Variants in JKAMP observed in about 807,000 individuals in gnomAD.
The protein encoded by JKAMP is JNK1/MAPK8-associated membrane protein.
JKAMP carries 20 observed loss-of-function variants against 40.2 expected under a neutral mutation model. That is an observed-to-expected ratio of 0.50 (90% CI 0.35 to 0.72). The LOEUF (loss-of-function observed/expected upper bound fraction) is 0.72. Ranked by LOEUF, JKAMP falls within the 30% of genes least tolerant of loss-of-function variation. JKAMP has a pLI of 0.01. For synonymous variants in JKAMP, 138 were observed against 131.6 expected (o/e 1.05, Z -0.33); for missense variants, 276 against 373.0 (o/e 0.74, Z 2.14).
In JKAMP at chr14:59,504,295, C is replaced by G; in HGVS notation, c.*223C>G. On this transcript the variant is annotated 3_prime_UTR_variant, in exon 7 of 7. Transcript: ENST00000616435. The stretch of plus-strand genomic sequence containing the variant: ...ACACAGGGTAATATTATCTGCTACA[C>G]TGGAAGGCCGCTAGGAAGCCCTTGC... 2 of 505,054 alleles carry G rather than the reference C, an allele frequency of 4.0e-6. No homozygotes were observed. The highest frequency in any genetic ancestry group is 6.1e-5 in the South Asian group (2 of 32,852). The allele number at this position is 505,054 out of a possible 1,614,324, so 31.3% of individuals were successfully genotyped here. A position where few individuals can be genotyped will look rare whatever the true frequency, so the allele number is the denominator to read the frequency against.
chr14:59,486,124 A>G (rs1359671944), intron 1 of JKAMP, among the ~76,000 whole-genome samples: 2 of 152,226 alleles, frequency 1.3e-5, no homozygotes, highest in African/African-American at 2.4e-5. Flanking sequence ...ATATTGGCCC[A>G]GTGACAGCCT....
At position 59,505,346 on chromosome 14, in the gene JKAMP, T is replaced by G. The variant is rs1032678055; in HGVS notation, c.*1274T>G. 4.9e-6 allele frequency: 6 copies of G among 1,232,438 alleles called. No homozygotes were observed. In the African/African-American group the frequency reaches 6.1e-5, roughly 13 times the overall value. The allele number at this position is 1,232,438 out of a possible 1,614,324, so 76.3% of individuals were successfully genotyped here. Reference sequence around the variant, plus strand: ...GGAATAAAAAATAAATATAAAAATTTTATTTGTATTGCACACATTTGGGGG... The same window carrying G: ...GGAATAAAAAATAAATATAAAAATTGTATTTGTATTGCACACATTTGGGGG... On this transcript the variant is annotated 3_prime_UTR_variant, in exon 7 of 7. Transcript: ENST00000616435.
chr14:59,494,408 T>C (rs921716837), intron 3 of JKAMP, among the ~76,000 whole-genome samples: 6 of 151,952 alleles, frequency 3.9e-5, no homozygotes, highest in African/African-American at 1.5e-4. Context: ...AGCAATAACA[T>C]GGATGAAACT....
chr14:59,493,062 T>C (rs1398283261), intron 3 of JKAMP, among the ~76,000 whole-genome samples: 1 of 151,256 alleles, frequency 6.6e-6, no homozygotes, highest in Non-Finnish European at 1.5e-5. Context: ...CCTCCCAAAG[T>C]GCTGGGATTA....
At chr14:59,485,438 A>G (rs776240474) in intron 1 of JKAMP, 31 of 242,960 alleles carry the variant, frequency 1.3e-4, no homozygotes, top group Non-Finnish European at 3.1e-5. Flanking sequence ...ATATTATTCA[A>G]TGCTGTTTCT....
intron 5 of JKAMP, among the ~76,000 whole-genome samples, chr14:59,499,202 T>C (rs1473177688): frequency 6.6e-6 from 1 of 151,644 alleles, no homozygotes; most frequent in Admixed American, 6.6e-5. Context: ...TTTTGTATTT[T>C]TTTTTAGTAG....
Position 59,505,264 on chromosome 14 carries a change from G to C in JKAMP, c.*1192G>C. 1 of 1,503,796 alleles carries C rather than the reference G, an allele frequency of 6.6e-7. No individual in the cohort carries two copies. Among genetic ancestry groups the C allele is most frequent in the Non-Finnish European group, 8.9e-7 (1 of 1,123,732 alleles). 93.2% of individuals were successfully genotyped at this position (1,503,796 alleles called of 1,614,324 possible). A position where few individuals can be genotyped will look rare whatever the true frequency, so the allele number is the denominator to read the frequency against. On this transcript the variant is annotated 3_prime_UTR_variant, in exon 7 of 7. Transcript: ENST00000616435. Reference sequence around the variant, plus strand: ...TTACTTTGTTAATGTATTTTTCTCAGTACATTTAACCACTGGGAAATGAAC... The same window carrying C: ...TTACTTTGTTAATGTATTTTTCTCACTACATTTAACCACTGGGAAATGAAC...
chr14:59,505,262 C>T lies in JKAMP; in HGVS notation c.*1190C>T. 6.7e-7 allele frequency: 1 copy of T among 1,502,750 alleles called. No homozygotes were observed. Among genetic ancestry groups the T allele is most frequent in the Non-Finnish European group, 8.9e-7 (1 of 1,123,030 alleles). 93.1% of individuals were successfully genotyped at this position (1,502,750 alleles called of 1,614,324 possible). On this transcript the variant is annotated 3_prime_UTR_variant, in exon 7 of 7. Transcript: ENST00000616435. ...AGTTACTTTGTTAATGTATTTTTCT[C>T]AGTACATTTAACCACTGGGAAATGA...
chr14:59,504,059 C>T lies in JKAMP; in HGVS notation c.923C>T (p.Ala308Val). The change falls in exon 7 of 7, where the codon GCC (alanine) becomes GTC (valine). Residue 308 changes from alanine to valine, a missense_variant. Ala to Val is a moderately conservative substitution (Grantham distance 64). Transcript: ENST00000616435. ...TEPSRILSEG[A>V]NGH ...CCTTCAAGGATACTCTCAGAAGGAG[C>T]CAATGGACACTGAGTGTAGACATGT... 6.2e-7 allele frequency: 1 copy of T among 1,608,254 alleles called. No homozygotes were observed.
At chr14:59,498,188 T>G (rs1349613255) in intron 4 of JKAMP, among the ~76,000 whole-genome samples, 1 of 152,230 alleles carries the variant, frequency 6.6e-6, no homozygotes, top group Non-Finnish European at 1.5e-5. Flanking sequence ...TGTGTATGCA[T>G]TTTAAGGAAT....
rs1891633883 is a variant in JKAMP, at chr14:59,498,754, A to G, written c.486A>G (p.Ala162=). 1.3e-6 allele frequency: 2 copies of G among 1,582,006 alleles called. No individual in the cohort carries two copies. The highest frequency in any genetic ancestry group is 2.2e-5 in the East Asian group (1 of 44,500). The change falls in exon 5 of 7, where the codon GCA becomes GCG. Residue 162 remains alanine, a synonymous_variant. Transcript: ENST00000616435. ...PLYTIVFIYY[A]FCLVLMMLLR... ...ATACCATTGTATTTATCTATTACGC[A>G]TTCTGCTTGGTATTAATGATGCTGC... is the stretch of plus-strand genomic sequence containing the variant.
At chr14:59,494,331 C>A (rs1181076958) in intron 3 of JKAMP, among the ~76,000 whole-genome samples, 1 of 152,094 alleles carries the variant, frequency 6.6e-6, no homozygotes, top group Non-Finnish European at 1.5e-5. Context: ...AATGGATAAA[C>A]AAATCACAGT....
intron 4 of JKAMP, among the ~76,000 whole-genome samples, chr14:59,498,032 A>G (rs553723247): frequency 1.6e-4 from 25 of 152,214 alleles, no homozygotes; most frequent in Non-Finnish European, 3.4e-4. Flanking sequence ...CTCTTTCTAC[A>G]GCTTTTTTTT....
At chr14:59,493,724 C>A (rs1316978800) in intron 3 of JKAMP, among the ~76,000 whole-genome samples, 1 of 152,054 alleles carries the variant, frequency 6.6e-6, no homozygotes, top group East Asian at 1.9e-4. Context: ...GAGCACTTGA[C>A]AAGCCAATTT....
intron 3 of JKAMP, among the ~76,000 whole-genome samples, chr14:59,493,296 A>G (rs572835172): frequency 6.6e-6 from 1 of 152,352 alleles, no homozygotes; most frequent in African/African-American, 2.4e-5. Context: ...ACACCTGTTA[A>G]CAGCCTTGGT....
chr14:59,495,717 G>A, intron 4 of JKAMP, among the ~76,000 whole-genome samples: 1 of 152,132 alleles, frequency 6.6e-6, no homozygotes, highest in East Asian at 1.9e-4. Context: ...GGGGGAAAGG[G>A]AAAATAGAAG....
intron 3 of JKAMP, among the ~76,000 whole-genome samples, chr14:59,493,185 C>G (rs1891163846): frequency 6.6e-6 from 1 of 152,130 alleles, no homozygotes; most frequent in South Asian, 2.1e-4. Flanking sequence ...AAGGAAAACA[C>G]ATCCCAAGCA....
chr14:59,501,946 A>G (rs7144788), intron 6 of JKAMP, among the ~76,000 whole-genome samples: 59,496 of 152,036 alleles, frequency 0.39, 12,436 homozygotes, highest in African/African-American at 0.53. Context: ...ATTTGTAGTC[A>G]CTGGGTAGAA....
Position 59,505,170 on chromosome 14 carries a change from T to C in JKAMP, c.*1098T>C, listed in dbSNP as rs1259638753. 3 of 721,834 alleles carry C rather than the reference T, an allele frequency of 4.2e-6. No homozygotes were observed. The highest frequency in any genetic ancestry group is 6.4e-6 in the Non-Finnish European group (3 of 467,706). 44.7% of individuals were successfully genotyped at this position (721,834 alleles called of 1,614,324 possible). A position where few individuals can be genotyped will look rare whatever the true frequency, so the allele number is the denominator to read the frequency against. ...GACTTCTATTAACAGCTGCAAAATA[T>C]GAAAGTAAGTGCACTCACTTTTCCT... On this transcript the variant is annotated 3_prime_UTR_variant, in exon 7 of 7. Transcript: ENST00000616435.
Sources: allele counts gnomAD v4.1 joint callset (sites outside exome capture counted in the v4.1 genomes callset), GRCh38; gene constraint gnomAD v4.1.1; transcripts MANE v1.5; gene names NCBI Gene and HGNC (gene_info 2026-07-23, HGNC 2026-07-21).